Variants in TRABD2B observed in about 807,000 individuals in gnomAD.
TRABD2B encodes the protein metalloprotease TIKI2.
TRABD2B carries 14 observed loss-of-function variants against 40.1 expected under a neutral mutation model. That is an observed-to-expected ratio of 0.35 (90% CI 0.23 to 0.55). The LOEUF (loss-of-function observed/expected upper bound fraction) is 0.55. Ranked by LOEUF, TRABD2B falls within the 20% of genes least tolerant of loss-of-function variation. The probability of loss-of-function intolerance (pLI) is 0.90; values close to 1 mark genes in which losing one functional copy is unlikely to be tolerated. For synonymous variants in TRABD2B, 263 were observed against 277.0 expected (o/e 0.95, Z 0.50); for missense variants, 541 against 648.6 (o/e 0.83, Z 1.80).
At chr1:47,923,212 C>A (rs1334547192) in intron 2 of TRABD2B, among the ~76,000 whole-genome samples, 1 of 152,196 alleles carries the variant, frequency 6.6e-6, no homozygotes, top group African/African-American at 2.4e-5. Context: ...CAGGCCACGC[C>A]CCATGCCAGT....
At chr1:47,978,562 TGCAGAATTTAGGTCA>T (rs542086336) in intron 2 of TRABD2B, among the ~76,000 whole-genome samples, 86 of 152,244 alleles carry the variant, frequency 5.6e-4, no homozygotes, top group Non-Finnish European at 9.3e-4. Flanking sequence ...AAGATGAAAA[TGCAGAATTTAGGTCA>T]GCACACACAG....
intron 2 of TRABD2B, among the ~76,000 whole-genome samples, chr1:47,987,951 C>T (rs1324952457): frequency 6.6e-6 from 1 of 152,198 alleles, no homozygotes; most frequent in Non-Finnish European, 1.5e-5. Flanking sequence ...GAGGGGCTCT[C>T]CCTCCATGGT....
At chr1:47,819,777 C>G (rs761531754) in intron 2 of TRABD2B, 1 of 152,142 alleles carries the variant, frequency 6.6e-6, no homozygotes, top group African/African-American at 2.4e-5. Context: ...GTTCTGAGCA[C>G]GTATTCGGGC....
At position 47,997,385 on chromosome 1, in the gene TRABD2B, G is replaced by A. The variant is rs1167213686; in HGVS notation, c.-596C>T. The stretch of plus-strand genomic sequence containing the variant: ...TCCGCGGCCGGGAGGGAGGGAGAGA[G>A]GAGGGCGGGAGAGCGGCGCGGAGCC... On this transcript the variant is annotated 5_prime_UTR_variant, in exon 1 of 7. Coordinates refer to ENST00000606738, the MANE Select transcript of TRABD2B (RefSeq NM_001194986.2). 2 of 177,534 alleles carry A rather than the reference G, an allele frequency of 1.1e-5. No individual in the cohort carries two copies. The highest frequency in any genetic ancestry group is 2.6e-5 in the African/African-American group (1 of 38,508). The allele number at this position is 177,534 out of a possible 1,614,324, so 11.0% of individuals were successfully genotyped here.
intron 2 of TRABD2B, among the ~76,000 whole-genome samples, chr1:47,840,018 A>G (rs980788444): frequency 6.6e-6 from 1 of 152,086 alleles, no homozygotes; most frequent in African/African-American, 2.4e-5. Flanking sequence ...GAGTTCCTGG[A>G]GAGTGTTTAC....
chr1:47,806,120 C>T (rs1297974367), intron 2 of TRABD2B, among the ~76,000 whole-genome samples: 1 of 152,274 alleles, frequency 6.6e-6, no homozygotes, highest in Non-Finnish European at 1.5e-5. Flanking sequence ...ACCAGGACTT[C>T]AGCGCGGTAT....
chr1:47,784,654 C>A (rs564835242), intron 4 of TRABD2B, among the ~76,000 whole-genome samples: 4 of 152,126 alleles, frequency 2.6e-5, no homozygotes, highest in Non-Finnish European at 5.9e-5. Flanking sequence ...CAAGCTATGG[C>A]GGTGTTTTTT....
intron 2 of TRABD2B, among the ~76,000 whole-genome samples, chr1:47,983,341 T>C (rs1451642397): frequency 6.6e-6 from 1 of 151,200 alleles, no homozygotes; most frequent in Non-Finnish European, 1.5e-5. Flanking sequence ...AGCGTGGAGG[T>C]TAGGAGGAAG....
intron 2 of TRABD2B, among the ~76,000 whole-genome samples, chr1:47,810,131 A>T (rs1644942704): frequency 9.0e-6 from 1 of 111,496 alleles, no homozygotes. Context: ...GCAAAGAGGA[A>T]TATAGGGTGT....
chr1:47,763,775 C>T lies in TRABD2B; in HGVS notation c.*2127G>A, dbSNP rs977437553. The T allele has an allele frequency of 6.6e-6, 1 of 152,252 alleles. No homozygotes were observed. Among genetic ancestry groups the T allele is most frequent in the African/African-American group, 2.4e-5 (1 of 41,458 alleles). The allele number at this position is 152,252 out of a possible 1,614,324, so 9.4% of individuals were successfully genotyped here. A position where few individuals can be genotyped will look rare whatever the true frequency, so the allele number is the denominator to read the frequency against. ...AATCTGGCCTGTGTGCTTCTAATTC[C>T]TTTACACTTATCTCATCCAAATAGT... On this transcript the variant is annotated 3_prime_UTR_variant, in exon 7 of 7. Transcript: ENST00000606738.
intron 2 of TRABD2B, among the ~76,000 whole-genome samples, chr1:47,860,301 C>T (rs1042876684): frequency 3.3e-5 from 5 of 152,188 alleles, no homozygotes; most frequent in Admixed American, 2.0e-4. Flanking sequence ...AACACTTGCC[C>T]TCTTCCAAGC....
intron 2 of TRABD2B, among the ~76,000 whole-genome samples, 200 bp downstream of exon 2, chr1:47,993,834 C>T (rs1004240680): frequency 6.6e-6 from 1 of 152,218 alleles, no homozygotes; most frequent in African/African-American, 2.4e-5. Flanking sequence ...ACTCTTACCC[C>T]AAATTCCAGT....
chr1:47,941,259 T>TA (rs1450605833), intron 2 of TRABD2B, among the ~76,000 whole-genome samples: 2 of 152,132 alleles, frequency 1.3e-5, no homozygotes, highest in Admixed American at 6.5e-5. Context: ...AAGCTTCCGC[T>TA]AGCCACACTG....
In TRABD2B at chr1:47,994,702, G is replaced by A. The variant is rs926000129; in HGVS notation, c.103-105C>T. The A allele has an allele frequency of 2.9e-5, 30 of 1,018,212 alleles. No individual in the cohort carries two copies. In the East Asian group the frequency reaches 7.8e-4, roughly 27 times the overall value. The allele number at this position is 1,018,212 out of a possible 1,614,324, so 63.1% of individuals were successfully genotyped here. ...GAGGGAGGTGGGGATGGGAGGCAGAGACCATACACAGGCCGTGGTAAAGAG... is the reference window on the plus strand; with the variant it reads ...GAGGGAGGTGGGGATGGGAGGCAGAAACCATACACAGGCCGTGGTAAAGAG... On this transcript the variant is annotated intron_variant, in intron 1 of 6. Coordinates refer to ENST00000606738, the MANE Select transcript of TRABD2B (RefSeq NM_001194986.2). This position sits in a 1 kb window ranked among gnomAD's most constrained non-coding sequence, Gnocchi z 6.7.
chr1:47,777,503 A>G (rs993649568), intron 5 of TRABD2B, among the ~76,000 whole-genome samples: 2 of 152,124 alleles, frequency 1.3e-5, no homozygotes, highest in African/African-American at 4.8e-5. Flanking sequence ...CCAGACTGCC[A>G]CTTACACCGC....
intron 4 of TRABD2B, among the ~76,000 whole-genome samples, chr1:47,793,574 C>A (rs1268277687): frequency 6.6e-6 from 1 of 152,214 alleles, no homozygotes; most frequent in Non-Finnish European, 1.5e-5. Flanking sequence ...CACAGTGGCA[C>A]CAGGTGTGGT....
chr1:47,870,523 T>C (rs189824412), intron 2 of TRABD2B, among the ~76,000 whole-genome samples: 2 of 152,320 alleles, frequency 1.3e-5, no homozygotes, highest in Admixed American at 6.5e-5. Flanking sequence ...GTCTTTATGA[T>C]GGCACTTGTC....
At chr1:47,981,179 A>G (rs1645835617) in intron 2 of TRABD2B, among the ~76,000 whole-genome samples, 1 of 152,022 alleles carries the variant, frequency 6.6e-6, no homozygotes, top group Non-Finnish European at 1.5e-5. Context: ...AAGCCTGGCT[A>G]ATTTCTCTAC....
intron 2 of TRABD2B, among the ~76,000 whole-genome samples, chr1:47,804,516 C>G (rs1478221854): frequency 6.6e-6 from 1 of 152,220 alleles, no homozygotes; most frequent in East Asian, 1.9e-4. Flanking sequence ...CACCACCTGA[C>G]CTGTGGTGAG....
Sources: allele counts gnomAD v4.1 joint callset (sites outside exome capture counted in the v4.1 genomes callset), GRCh38; gene constraint gnomAD v4.1.1; non-coding constraint Gnocchi (gnomAD v3.1); transcripts MANE v1.5; gene names NCBI Gene and HGNC (gene_info 2026-07-23, HGNC 2026-07-21).